Variants in TPO observed in about 807,000 individuals in gnomAD.
TPO encodes the protein thyroid peroxidase.
Under a neutral mutation model 96.9 loss-of-function variants are expected in TPO, and 78 were observed. That is an observed-to-expected ratio of 0.81 (90% CI 0.67 to 0.97). TPO has a LOEUF of 0.97. TPO is among the 50% of genes least tolerant of loss of function. The pLI is 0.00. For missense variants in TPO, 1,252 were observed against 1,274.8 expected, an observed-to-expected ratio of 0.98 and a Z score of 0.27; for synonymous variants, 547 against 538.0, an observed-to-expected ratio of 1.02 and a Z score of -0.23.
intron 7 of TPO, among the ~76,000 whole-genome samples, chr2:1,473,869 G>A (rs114050606): frequency 1.7e-3 from 258 of 152,170 alleles, no homozygotes; most frequent in Middle Eastern, 0.01. Flanking sequence ...TCCTCAGATC[G>A]AAGACATTTT....
intron 5 of TPO, among the ~76,000 whole-genome samples, chr2:1,451,480 A>AT (rs1386613099): frequency 2.0e-5 from 3 of 152,154 alleles, no homozygotes; most frequent in Non-Finnish European, 4.4e-5. Context: ...CACTCCTTGT[A>AT]TTTTTTAAGT....
At chr2:1,430,100 C>T (rs1033035283) in intron 3 of TPO, among the ~76,000 whole-genome samples, 2 of 152,154 alleles carry the variant, frequency 1.3e-5, no homozygotes, top group African/African-American at 2.4e-5. Context: ...GGTATAAGTC[C>T]TCAGGACAGC....
At chr2:1,455,015 G>A (rs1667658513) in intron 6 of TPO, among the ~76,000 whole-genome samples, 1 of 152,198 alleles carries the variant, frequency 6.6e-6, no homozygotes, top group Non-Finnish European at 1.5e-5. Flanking sequence ...AGCTCCAGGG[G>A]AGATCCCTTT....
At chr2:1,533,946 ACCT>A (rs892899011) in intron 15 of TPO, among the ~76,000 whole-genome samples, 4 of 93,602 alleles carry the variant, frequency 4.3e-5, no homozygotes, top group African/African-American at 1.6e-4. Flanking sequence ...AATGTATGCA[ACCT>A]CCTCAAATCC....
chr2:1,479,643 T>G (rs985298362), intron 8 of TPO, among the ~76,000 whole-genome samples: 1 of 152,196 alleles, frequency 6.6e-6, no homozygotes, highest in Non-Finnish European at 1.5e-5. Flanking sequence ...GGCCCAGTCA[T>G]TGTAGATTAG....
In TPO at chr2:1,453,784, G is replaced by A; in HGVS notation, c.573G>A (p.Trp191Ter). ...YEDGFSQPRG[W>*]NPGFLYNGFP... ...ACGGCTTCAGTCAGCCCCGAGGCTG[G>A]AACCCCGGCTTCTTGTACAACGGGT... Residue 191 changes from tryptophan (W) to a stop codon, truncating the protein, a stop_gained, in exon 6 of 17, where the codon TGG becomes TGA. Transcript: ENST00000329066. LOFTEE classifies it high-confidence loss of function. 6.2e-7 allele frequency: 1 copy of A among 1,613,894 alleles called. No homozygotes were observed. The highest frequency in any genetic ancestry group is 2.2e-5 in the East Asian group (1 of 44,884).
At chr2:1,453,953 T>C (rs1364653543) in intron 6 of TPO, 130 bp downstream of exon 6, 1 of 1,392,720 alleles carries the variant, frequency 7.2e-7, no homozygotes, top group Non-Finnish European at 1.0e-6. Context: ...CCTCCCAGCC[T>C]CCCTTTGATG....
intron 15 of TPO, among the ~76,000 whole-genome samples, chr2:1,536,802 CA>C (rs1679760828): frequency 9.9e-6 from 1 of 101,078 alleles, no homozygotes; most frequent in African/African-American, 3.9e-5. Flanking sequence ...GCAATCTGTG[CA>C]ACCTCCCCAA....
At chr2:1,430,699 A>G (rs1664891729) in intron 3 of TPO, among the ~76,000 whole-genome samples, 1 of 152,238 alleles carries the variant, frequency 6.6e-6, no homozygotes, top group African/African-American at 2.4e-5. Flanking sequence ...ATGGGAGCCC[A>G]TTCCTCACAC....
chr2:1,417,065 C>A (rs1209896921), intron 2 of TPO, among the ~76,000 whole-genome samples: 1 of 152,252 alleles, frequency 6.6e-6, no homozygotes, highest in Non-Finnish European at 1.5e-5. Context: ...AAGGCTGTGG[C>A]CGCTCAGTCT....
chr2:1,537,846 ACTGTGTGCAATCTCAAATCCCCC>A (rs1558442805), intron 15 of TPO, among the ~76,000 whole-genome samples: 4 of 18,532 alleles, frequency 2.2e-4, no homozygotes, highest in Admixed American at 8.0e-4. Flanking sequence ...AAATCCCCCC[ACTGTGTGCAATCTCAAATCCCCC>A]CCACTGTGTG....
chr2:1,496,262 TC>T, intron 12 of TPO, 65 bp downstream of exon 12: 1 of 1,505,456 alleles, frequency 6.6e-7, no homozygotes. Context: ...AAGCTTATCT[TC>T]CCCAGGAGCT....
intron 10 of TPO, 42 bp downstream of exon 10, chr2:1,488,033 C>T (rs776937928): frequency 1.1e-5 from 18 of 1,610,056 alleles, no homozygotes; most frequent in Non-Finnish European, 1.4e-5. Flanking sequence ...GCAGCTGCTG[C>T]GGGATTTGCC....
At chr2:1,450,944 T>C (rs577656666) in intron 5 of TPO, among the ~76,000 whole-genome samples, 5 of 152,206 alleles carry the variant, frequency 3.3e-5, no homozygotes, top group Non-Finnish European at 5.9e-5. Flanking sequence ...TACTCTCCCA[T>C]ACATTTTTGC....
chr2:1,490,943 G>A (rs548863087), intron 10 of TPO, among the ~76,000 whole-genome samples: 42 of 152,224 alleles, frequency 2.8e-4, no homozygotes, highest in African/African-American at 8.4e-4. Flanking sequence ...AGGCCGAGGC[G>A]GGCAGATCAC....
intron 1 of TPO, among the ~76,000 whole-genome samples, chr2:1,380,851 G>C (rs1661799378): frequency 6.6e-6 from 1 of 152,210 alleles, no homozygotes. Flanking sequence ...GAAGCATGGT[G>C]GCATCTGCTT....
At chr2:1,433,306 AC>A (rs1412686379) in intron 3 of TPO, 131 bp from the exon 4 acceptor site, 2 of 1,158,536 alleles carry the variant, frequency 1.7e-6, no homozygotes, top group Non-Finnish European at 2.5e-6. Flanking sequence ...ACCTGTGCAC[AC>A]CCCGCAGTGC....
At chr2:1,412,170 TCTG>T (rs1298916781), upstream of TPO, among the ~76,000 whole-genome samples, 4 of 152,204 alleles carry the variant, frequency 2.6e-5, no homozygotes, top group African/African-American at 9.7e-5. Context: ...CAAGCCTGAG[TCTG>T]CTGCTCCTTT....
chr2:1,402,109 A>C (rs1009329464), intron 1 of TPO, among the ~76,000 whole-genome samples: 5 of 152,152 alleles, frequency 3.3e-5, no homozygotes, highest in Admixed American at 3.3e-4. Context: ...CTCTGGCCAC[A>C]TCTCCATCCT....
Sources: gnomAD v4.1 joint callset for allele counts (sites outside exome capture counted in the v4.1 genomes callset) on GRCh38, gnomAD v4.1.1 for gene constraint, MANE v1.5 for transcripts, NCBI Gene and HGNC (gene_info 2026-07-23, HGNC 2026-07-21) for gene names.